Variants in PTER observed in about 807,000 individuals in gnomAD.
PTER encodes the protein N-acetyltaurine hydrolase.
Under a neutral mutation model 29.6 loss-of-function variants are expected in PTER, and 38 were observed. The observed-to-expected ratio is 1.28, with a 90% confidence interval of 0.99 to 1.68. The LOEUF is 1.68. PTER is among the 40% of genes most tolerant of loss of function. The pLI is 0.00. For synonymous variants in PTER, 172 were observed against 154.5 expected (o/e 1.11, Z -0.84); for missense variants, 482 against 427.8 (o/e 1.13, Z -1.12).
chr10:16,443,158 TG>T (rs1272402745), intron 1 of PTER, among the ~76,000 whole-genome samples: 1 of 152,196 alleles, frequency 6.6e-6, no homozygotes, highest in African/African-American at 2.4e-5. Flanking sequence ...CTCTGGCAGC[TG>T]GAAGTCCCAG....
intron 1 of PTER, among the ~76,000 whole-genome samples, chr10:16,477,805 A>C (rs558486130): frequency 6.6e-6 from 1 of 152,332 alleles, no homozygotes; most frequent in East Asian, 1.9e-4. Context: ...TACATGTTTA[A>C]AACATTTGTC....
intron 1 of PTER, among the ~76,000 whole-genome samples, chr10:16,447,053 T>A (rs1019491205): frequency 6.6e-5 from 10 of 152,094 alleles, no homozygotes; most frequent in African/African-American, 2.4e-4. Context: ...CTTCCCAAAG[T>A]GCTGGAATTA....
chr10:16,449,843 T>G (rs565695491), intron 1 of PTER, among the ~76,000 whole-genome samples: 15 of 152,306 alleles, frequency 9.8e-5, no homozygotes, highest in Admixed American at 3.9e-4. Context: ...CCCTAAGCCC[T>G]TGGATCCCTT....
chr10:16,510,380 G>C (rs960536646), intron 4 of PTER, among the ~76,000 whole-genome samples: 1 of 152,204 alleles, frequency 6.6e-6, no homozygotes, highest in African/African-American at 2.4e-5. Flanking sequence ...AAAGAAGACA[G>C]AATATATTTG....
intron 1 of PTER, among the ~76,000 whole-genome samples, chr10:16,481,720 A>T (rs1835487338): frequency 6.6e-6 from 1 of 152,130 alleles, no homozygotes; most frequent in Admixed American, 6.6e-5. Context: ...AATATGCATC[A>T]ATTGAATATG....
At chr10:16,446,477 C>A (rs1481148584) in intron 1 of PTER, among the ~76,000 whole-genome samples, 2 of 152,070 alleles carry the variant, frequency 1.3e-5, no homozygotes, top group Non-Finnish European at 2.9e-5. Flanking sequence ...CAAGTGTTAT[C>A]TTTTCACTCT....
chr10:16,475,690 C>T (rs955693351), intron 1 of PTER, among the ~76,000 whole-genome samples: 3 of 152,170 alleles, frequency 2.0e-5, no homozygotes, highest in East Asian at 3.9e-4. Flanking sequence ...GCACATTCAT[C>T]GAAAACGTCA....
chr10:16,448,097 G>A (rs1377094745), intron 1 of PTER, among the ~76,000 whole-genome samples: 4 of 152,162 alleles, frequency 2.6e-5, no homozygotes, highest in African/African-American at 9.7e-5. Context: ...TTCTACCAAA[G>A]CCCAGTAACT....
At chr10:16,501,700 A>G (rs1836356891) in intron 3 of PTER, among the ~76,000 whole-genome samples, 1 of 152,200 alleles carries the variant, frequency 6.6e-6, no homozygotes, top group Non-Finnish European at 1.5e-5. Flanking sequence ...AGTCATTGTA[A>G]TTCTGGAAAA....
chr10:16,492,092 C>T (rs963973079), intron 3 of PTER, among the ~76,000 whole-genome samples: 10 of 152,092 alleles, frequency 6.6e-5, no homozygotes, highest in Admixed American at 3.3e-4. Context: ...GTCATGTGAC[C>T]GTTGGTGACC....
At chr10:16,437,264 A>T (rs143963673) in intron 1 of PTER, 1 of 151,904 alleles carries the variant, frequency 6.6e-6, no homozygotes, top group African/African-American at 2.4e-5. Flanking sequence ...GTGTGGCGCC[A>T]GCTCCCTGTG....
intron 3 of PTER, among the ~76,000 whole-genome samples, chr10:16,497,142 C>T (rs551650922): frequency 5.7e-4 from 87 of 152,200 alleles, no homozygotes; most frequent in African/African-American, 1.8e-3. Context: ...ACCATGTTGG[C>T]CAGGCTGGTC....
At chr10:16,492,505 C>A (rs1478028602) in intron 3 of PTER, among the ~76,000 whole-genome samples, 1 of 152,144 alleles carries the variant, frequency 6.6e-6, no homozygotes, top group African/African-American at 2.4e-5. Flanking sequence ...TGCCATTCAT[C>A]TTCAAGGAGA....
chr10:16,510,432 T>A (rs1349282994), intron 4 of PTER, among the ~76,000 whole-genome samples: 3 of 152,222 alleles, frequency 2.0e-5, no homozygotes, highest in African/African-American at 7.2e-5. Flanking sequence ...TACAACTAAA[T>A]CAAAATTGCC....
chr10:16,447,369 A>G lies in PTER; in HGVS notation c.-49+10322A>G, dbSNP rs572909289. On this transcript the variant is annotated intron_variant, in intron 1 of 4. Transcript: ENST00000535784. ...TCCAGCCGCAACCTCCCAAAGTGCTAAGATTACAGGTGTGAACCACTGCAC... is the reference window on the plus strand; with the variant it reads ...TCCAGCCGCAACCTCCCAAAGTGCTGAGATTACAGGTGTGAACCACTGCAC... Among the ~76,000 whole-genome samples the G allele has an allele frequency of 1.2e-4, 18 of 152,118 alleles. No individual in the cohort carries two copies. In the South Asian group the frequency reaches 3.7e-3, roughly 32 times the overall value.
downstream of PTER, among the ~76,000 whole-genome samples, chr10:16,515,147 C>T (rs190989197): frequency 8.6e-5 from 13 of 151,788 alleles, no homozygotes; most frequent in African/African-American, 2.9e-4. Flanking sequence ...CAGCTGTTCA[C>T]CACAATTATT....
downstream of PTER, chr10:16,514,040 T>C (rs1036224870): frequency 2.7e-5 from 9 of 329,186 alleles, no homozygotes; most frequent in South Asian, 1.6e-4. Context: ...AACAATTTCT[T>C]TGGGGACAAG....
At chr10:16,465,173 TA>T (rs1834762449) in intron 1 of PTER, among the ~76,000 whole-genome samples, 1 of 152,172 alleles carries the variant, frequency 6.6e-6, no homozygotes, top group African/African-American at 2.4e-5. Flanking sequence ...TCCTGACATT[TA>T]CTGCACTCTG....
chr10:16,452,950 A>T (rs1015979352), intron 1 of PTER, among the ~76,000 whole-genome samples: 1 of 151,934 alleles, frequency 6.6e-6, no homozygotes, highest in Non-Finnish European at 1.5e-5. Context: ...GAGTTTCACC[A>T]TGTTGCCCAG....
Sources: gnomAD v4.1 joint callset for allele counts (sites outside exome capture counted in the v4.1 genomes callset) on GRCh38, gnomAD v4.1.1 for gene constraint, MANE v1.5 for transcripts, NCBI Gene and HGNC (gene_info 2026-07-23, HGNC 2026-07-21) for gene names.